Variants in ERBB4 observed in about 807,000 individuals in gnomAD.
The protein encoded by ERBB4 is erb-b2 receptor tyrosine kinase 4.
Under a neutral mutation model 158.0 loss-of-function variants are expected in ERBB4, and 42 were observed. That is an observed-to-expected ratio of 0.27 (90% CI 0.21 to 0.34). The LOEUF (loss-of-function observed/expected upper bound fraction) is 0.34. ERBB4 is among the 10% of genes least tolerant of loss of function. The pLI, the probability that ERBB4 is intolerant of heterozygous loss-of-function variation, is 1.00. For synonymous variants in ERBB4, 583 were observed against 558.7 expected (o/e 1.04, Z -0.61); for missense variants, 1,333 against 1,624.1 (o/e 0.82, Z 3.08).
chr2:211,850,874 A>T (rs926809448), intron 3 of ERBB4, among the ~76,000 whole-genome samples: 9 of 151,920 alleles, frequency 5.9e-5, no homozygotes, highest in Admixed American at 5.3e-4. Flanking sequence ...TAATAATATC[A>T]ATTATATTAA....
chr2:212,314,703 A>G (rs1225987749), intron 1 of ERBB4, among the ~76,000 whole-genome samples: 2 of 151,210 alleles, frequency 1.3e-5, no homozygotes, highest in African/African-American at 2.4e-5. Flanking sequence ...AAATTAAAGG[A>G]AAATATCAAT....
At chr2:211,559,785 C>T (rs2067335865) in intron 20 of ERBB4, among the ~76,000 whole-genome samples, 1 of 152,128 alleles carries the variant, frequency 6.6e-6, no homozygotes, top group Admixed American at 6.5e-5. Context: ...CAGTCAACAT[C>T]GTATCTGAAA....
At chr2:211,449,830 G>A (rs2064200161) in intron 20 of ERBB4, among the ~76,000 whole-genome samples, 1 of 152,100 alleles carries the variant, frequency 6.6e-6, no homozygotes, top group Admixed American at 6.5e-5. Context: ...TAGAAGAAGA[G>A]CAGAACAAGC....
At position 211,562,769 on chromosome 2, in the gene ERBB4, C is replaced by CTTTTTTTTTTTTTTTT. The variant is rs367801279; in HGVS notation, c.2302-697_2302-682dup. ...GACTATAAAAATTTGACTACTCCAA[C>CTTTTTTTTTTTTTTTT]TTTTTTTTTTTTTTTTTTTTGAGAC... On this transcript the variant is annotated intron_variant, in intron 19 of 27. Coordinates refer to ENST00000342788, the MANE Select transcript of ERBB4 (RefSeq NM_005235.3). 4.5e-4 allele frequency among the ~76,000 whole-genome samples: 57 copies of CTTTTTTTTTTTTTTTT among 125,730 alleles called. 7 individuals are homozygous for CTTTTTTTTTTTTTTTT. The highest frequency in any genetic ancestry group is 1.8e-3 in the African/African-American group (51 of 28,272). The allele number at this position is 125,730 out of a possible 152,430, so 82.5% of individuals were successfully genotyped here. A position where few individuals can be genotyped will look rare whatever the true frequency, so the allele number is the denominator to read the frequency against.
chr2:212,142,063 C>T (rs889639476), intron 1 of ERBB4, among the ~76,000 whole-genome samples: 6 of 152,152 alleles, frequency 3.9e-5, no homozygotes, highest in South Asian at 4.1e-4. Context: ...ACAGGGGCCA[C>T]CTTACTTGTC....
intron 1 of ERBB4, among the ~76,000 whole-genome samples, chr2:212,128,919 C>T (rs886782346): frequency 1.4e-4 from 22 of 151,934 alleles, no homozygotes; most frequent in African/African-American, 4.6e-4. Context: ...ATATTAAAGG[C>T]CCTTTTGGAA....
chr2:212,293,883 G>GT (rs1320520676), intron 1 of ERBB4, among the ~76,000 whole-genome samples: 1 of 136,328 alleles, frequency 7.3e-6, no homozygotes, highest in East Asian at 2.4e-4. Context: ...ACATACATTT[G>GT]TAAGTGTATG....
At chr2:211,683,818 T>C (rs1277152288) in intron 12 of ERBB4, among the ~76,000 whole-genome samples, 1 of 152,004 alleles carries the variant, frequency 6.6e-6, no homozygotes, top group Non-Finnish European at 1.5e-5. Context: ...CAACCATGTA[T>C]TCATTATTAC....
intron 3 of ERBB4, among the ~76,000 whole-genome samples, chr2:211,836,394 C>T (rs1379410416): frequency 1.3e-5 from 2 of 152,038 alleles, no homozygotes; most frequent in Non-Finnish European, 2.9e-5. Context: ...TGAAGGGTTA[C>T]ACAGAGAGCA....
chr2:211,429,045 C>T (rs1375143755), intron 21 of ERBB4, among the ~76,000 whole-genome samples: 1 of 151,796 alleles, frequency 6.6e-6, no homozygotes, highest in African/African-American at 2.4e-5. Context: ...GCTTTATAAA[C>T]AATTAAAGGT....
Position 211,702,170 on chromosome 2 carries a change from A to T in ERBB4, c.1290-4T>A, listed in dbSNP as rs765657644. ...GAGGATAAGCAAGGACAGGCCACTA[A>T]GGAGGGGGAAGTGAGAAAACGGAAC... On this transcript the variant is annotated splice_polypyrimidine_tract_variant and splice_region_variant and intron_variant, in intron 11 of 27. Transcript: ENST00000342788. 1 of 1,612,944 alleles carries T rather than the reference A, an allele frequency of 6.2e-7. No homozygotes were observed. The highest frequency in any genetic ancestry group is 8.5e-7 in the Non-Finnish European group (1 of 1,178,888).
chr2:212,067,184 A>G (rs1257705137), intron 2 of ERBB4, among the ~76,000 whole-genome samples: 1 of 151,982 alleles, frequency 6.6e-6, no homozygotes, highest in African/African-American at 2.4e-5. Context: ...ATTCACAAAT[A>G]TTTTTATTTT....
At chr2:212,370,157 C>T (rs2090037114) in intron 1 of ERBB4, among the ~76,000 whole-genome samples, 1 of 152,052 alleles carries the variant, frequency 6.6e-6, no homozygotes. Context: ...TTCCTCCATG[C>T]TGTTCTCAGA....
At chr2:212,157,955 C>A (rs1388742247) in intron 1 of ERBB4, among the ~76,000 whole-genome samples, 1 of 152,008 alleles carries the variant, frequency 6.6e-6, no homozygotes, top group Admixed American at 6.6e-5. Context: ...GATTCTGTCA[C>A]CATGTTGCCT....
At chr2:212,346,199 G>A (rs1015447766) in intron 1 of ERBB4, among the ~76,000 whole-genome samples, 1 of 152,072 alleles carries the variant, frequency 6.6e-6, no homozygotes, top group African/African-American at 2.4e-5. Context: ...TTTGTCAGGT[G>A]CATATCAACA....
At chr2:212,469,274 C>A (rs994564738) in intron 1 of ERBB4, among the ~76,000 whole-genome samples, 1 of 152,092 alleles carries the variant, frequency 6.6e-6, no homozygotes, top group Non-Finnish European at 1.5e-5. Flanking sequence ...GCCAAAAATA[C>A]TTCAAAGTTT....
intron 1 of ERBB4, among the ~76,000 whole-genome samples, chr2:212,151,666 A>G (rs2080875418): frequency 6.6e-6 from 1 of 152,112 alleles, no homozygotes; most frequent in Admixed American, 6.6e-5. Context: ...AGGCAGGTTG[A>G]TCACTTGAGG....
intron 1 of ERBB4, among the ~76,000 whole-genome samples, chr2:212,417,756 A>G (rs1323530779): frequency 6.6e-6 from 1 of 152,048 alleles, no homozygotes; most frequent in African/African-American, 2.4e-5. Context: ...GTACTATAAC[A>G]GATCCTTCAT....
At position 211,381,522 on chromosome 2, in the gene ERBB4, T is replaced by C. The variant is rs2062573681; in HGVS notation, c.*2093A>G. On this transcript the variant is annotated 3_prime_UTR_variant, in exon 28 of 28. Transcript: ENST00000342788. ...CAAAAGAGACTATGCAATCTGATTG[T>C]TGGAACGCATAGAAAAATTAAAATG... 4.3e-6 allele frequency: 1 copy of C among 231,390 alleles called. No homozygotes were observed. The highest frequency in any genetic ancestry group is 8.5e-6 in the Non-Finnish European group (1 of 117,000). The allele number at this position is 231,390 out of a possible 1,614,324, so 14.3% of individuals were successfully genotyped here. A position where few individuals can be genotyped will look rare whatever the true frequency, so the allele number is the denominator to read the frequency against.
Sources: gnomAD v4.1 joint callset for allele counts (sites outside exome capture counted in the v4.1 genomes callset) on GRCh38, gnomAD v4.1.1 for gene constraint, MANE v1.5 for transcripts, NCBI Gene and HGNC (gene_info 2026-07-23, HGNC 2026-07-21) for gene names.